The following TUSC3 variants were observed in gnomAD, a reference collection of about 807,000 sequenced individuals.
TUSC3 encodes tumor suppressor candidate 3, also known as dolichyl-diphosphooligosaccharide--protein glycosyltransferase subunit TUSC3.
A neutral mutation model predicts 44.8 loss-of-function variants in TUSC3; 45 were observed. The ratio of observed to expected loss-of-function variants is 1.00; its 90% CI spans 0.79 to 1.29. The LOEUF (loss-of-function observed/expected upper bound fraction) is 1.29, where lower values mean the gene tolerates loss of function less well. TUSC3 is among the 50% of genes most tolerant of loss of function. The probability of loss-of-function intolerance (pLI) is 0.00; values close to 1 mark genes in which losing one functional copy is unlikely to be tolerated. For missense variants in TUSC3, 519 were observed against 437.9 expected (o/e 1.19, Z -1.65); for synonymous variants, 212 against 152.9 (o/e 1.39, Z -2.85).
At chr8:15,775,707 CAT>C in the TUSC3 span, among the ~76,000 whole-genome samples, 13 of 144,256 alleles carry the variant, frequency 9.0e-5, no homozygotes, top group South Asian at 2.2e-4. Flanking sequence ...CACATATATA[CAT>C]ATATATACAC....
At chr8:15,441,219 C>G (rs1397183442) in intron 1 of TUSC3, among the ~76,000 whole-genome samples, 1 of 152,178 alleles carries the variant, frequency 6.6e-6, no homozygotes, top group Non-Finnish European at 1.5e-5. Context: ...CCAGTCTTGT[C>G]AACATGACGA....
intron 1 of TUSC3, among the ~76,000 whole-genome samples, chr8:15,467,527 T>C (rs1800429451): frequency 6.6e-6 from 1 of 152,180 alleles, no homozygotes; most frequent in Admixed American, 6.5e-5. Flanking sequence ...CTAATTGATC[T>C]TATTCTGAAC....
intron 1 of TUSC3, among the ~76,000 whole-genome samples, chr8:15,565,485 T>G (rs1464172803): frequency 6.6e-6 from 1 of 152,160 alleles, no homozygotes; most frequent in East Asian, 1.9e-4. Flanking sequence ...CACAGCTACC[T>G]GCTTAGCTGT....
chr8:15,432,997 G>A (rs562568958), intron 1 of TUSC3, among the ~76,000 whole-genome samples: 1 of 152,276 alleles, frequency 6.6e-6, no homozygotes, highest in African/African-American at 2.4e-5. Flanking sequence ...TCCCCTGCCA[G>A]GAGTACAAGG....
chr8:15,832,708 G>C, the TUSC3 span, among the ~76,000 whole-genome samples: 2 of 152,162 alleles, frequency 1.3e-5, no homozygotes, highest in African/African-American at 4.8e-5. Flanking sequence ...TAAGGGTAAA[G>C]GGTTCAATTC....
In TUSC3 at chr8:15,675,648, A is replaced by C. The variant is rs970822747; in HGVS notation, c.798+1812A>C. 1.4e-4 allele frequency among the ~76,000 whole-genome samples: 22 copies of C among 152,112 alleles called. 1 individual carries two copies. The Middle Eastern group carries it at 0.01, about 71-fold the overall frequency. On this transcript the variant is annotated intron_variant, in intron 6 of 10. Transcript: ENST00000503731. Reference sequence around the variant, plus strand: ...AGTGTCTGCTCCCATCTTTGTGTCCATGTTTATCCAATGTTTAGCTCCTAC... The same window carrying C: ...AGTGTCTGCTCCCATCTTTGTGTCCCTGTTTATCCAATGTTTAGCTCCTAC...
chr8:15,640,756 C>T (rs1237859870), intron 2 of TUSC3, among the ~76,000 whole-genome samples: 1 of 152,074 alleles, frequency 6.6e-6, no homozygotes. Context: ...TAAATTCTCT[C>T]CTGGATCCAA....
At chr8:15,418,290 C>T (rs1397830661) in intron 1 of TUSC3, among the ~76,000 whole-genome samples, 1 of 152,162 alleles carries the variant, frequency 6.6e-6, no homozygotes, top group Non-Finnish European at 1.5e-5. Flanking sequence ...TAACTGCACA[C>T]AATGAGTAAC....
At chr8:15,646,796 A>T (rs1310290927) in intron 2 of TUSC3, among the ~76,000 whole-genome samples, 2 of 152,104 alleles carry the variant, frequency 1.3e-5, no homozygotes, top group East Asian at 3.8e-4. Context: ...TGTTGTTTTT[A>T]AAAAATAGCT....
At chr8:15,539,755 G>A (rs1801609616), upstream of TUSC3, among the ~76,000 whole-genome samples, 2 of 152,080 alleles carry the variant, frequency 1.3e-5, no homozygotes, top group Admixed American at 6.6e-5. Context: ...GCACTCCATG[G>A]ATGCTGAATG....
chr8:15,645,894 G>C (rs1223621353), intron 2 of TUSC3, among the ~76,000 whole-genome samples: 1 of 152,080 alleles, frequency 6.6e-6, no homozygotes, highest in Admixed American at 6.5e-5. Context: ...TAAATGAGTT[G>C]TAGACTCTCT....
chr8:15,711,838 C>T (rs1809864970), intron 6 of TUSC3, among the ~76,000 whole-genome samples: 1 of 151,826 alleles, frequency 6.6e-6, no homozygotes, highest in African/African-American at 2.4e-5. Context: ...TCTATAGTTT[C>T]AGAGTATATT....
intron 1 of TUSC3, among the ~76,000 whole-genome samples, chr8:15,441,889 ATG>A (rs1800025387): frequency 1.3e-5 from 2 of 152,204 alleles, no homozygotes; most frequent in African/African-American, 4.8e-5. Context: ...TACCAGCTAT[ATG>A]AATGGATCTT....
chr8:15,632,747 T>C (rs1162476689), intron 2 of TUSC3, among the ~76,000 whole-genome samples: 1 of 152,210 alleles, frequency 6.6e-6, no homozygotes, highest in Non-Finnish European at 1.5e-5. Context: ...CTCACTTACC[T>C]TTTGTTTTGA....
At chr8:15,748,328 C>A (rs374424730) in intron 8 of TUSC3, 47 bp from the exon 9 acceptor site, 3 of 1,392,778 alleles carry the variant, frequency 2.2e-6, no homozygotes, top group Non-Finnish European at 3.1e-6. Flanking sequence ...ATTGGGGTTT[C>A]ATTTGCATAT....
intron 10 of TUSC3, among the ~76,000 whole-genome samples, chr8:15,759,879 A>C (rs924391562): frequency 6.6e-6 from 1 of 152,040 alleles, no homozygotes; most frequent in African/African-American, 2.4e-5. Flanking sequence ...TTTCCCCGAC[A>C]CTGTCATTGT....
rs948065804 is a variant in TUSC3 at position 15,483,372 on chromosome 8, C to G, written n.92-14C>G. The G allele has an allele frequency of 1.9e-5, 4 of 214,698 alleles. No individual in the cohort carries two copies. The South Asian group carries it at 3.2e-4, about 17-fold the overall frequency. The allele number at this position is 214,698 out of a possible 1,614,324, so 13.3% of individuals were successfully genotyped here. On this transcript the variant is annotated splice_polypyrimidine_tract_variant and intron_variant and non_coding_transcript_variant, in intron 1 of 5. Coordinates refer to the TUSC3 transcript ENST00000503191. ...TTTGTTTTTTTGAGACGGAGTTTCA[C>G]TGTCATTGCCCAGGCTGGAGTACAA...
intron 7 of TUSC3, among the ~76,000 whole-genome samples, chr8:15,731,488 T>C (rs940543495): frequency 6.6e-6 from 1 of 152,130 alleles, no homozygotes; most frequent in African/African-American, 2.4e-5. Flanking sequence ...GTACTGTATA[T>C]AACCAAAGGT....
chr8:15,657,031 C>G (rs1331924035), intron 3 of TUSC3, among the ~76,000 whole-genome samples: 1 of 152,112 alleles, frequency 6.6e-6, no homozygotes, highest in Non-Finnish European at 1.5e-5. Context: ...GAACAGTGAG[C>G]TTTGACGTCC....
Sources: allele counts gnomAD v4.1 joint callset (sites outside exome capture counted in the v4.1 genomes callset), GRCh38; gene constraint gnomAD v4.1.1; transcripts MANE v1.5; gene names NCBI Gene and HGNC (gene_info 2026-07-23, HGNC 2026-07-21).